Variants in PDE1C observed in about 807,000 individuals in gnomAD.
The protein encoded by PDE1C is phosphodiesterase 1C.
Under a neutral mutation model 93.1 loss-of-function variants are expected in PDE1C, and 62 were observed. The ratio of observed to expected loss-of-function variants is 0.67; its 90% CI spans 0.54 to 0.82. The LOEUF (loss-of-function observed/expected upper bound fraction) is 0.82, where lower values mean the gene tolerates loss of function less well. Ranked by LOEUF, PDE1C falls within the 40% of genes least tolerant of loss-of-function variation. PDE1C has a pLI of 0.00. For missense variants in PDE1C, 742 were observed against 884.6 expected (o/e 0.84, Z 2.04); for synonymous variants, 325 against 310.1 (o/e 1.05, Z -0.50).
At chr7:32,206,925 G>A (rs566775341) in intron 2 of PDE1C, among the ~76,000 whole-genome samples, 27 of 152,188 alleles carry the variant, frequency 1.8e-4, no homozygotes, top group African/African-American at 6.0e-4. Flanking sequence ...TTTGTGAGGG[G>A]AAGAGATCCT....
the PDE1C span, among the ~76,000 whole-genome samples, chr7:31,739,645 G>A: frequency 7.2e-5 from 11 of 152,166 alleles, no homozygotes; most frequent in Non-Finnish European, 1.5e-4. Context: ...TTCAATAATG[G>A]AGGTGTGCTC....
At chr7:31,964,256 C>A (rs1372318977) in intron 2 of PDE1C, among the ~76,000 whole-genome samples, 1 of 152,190 alleles carries the variant, frequency 6.6e-6, no homozygotes, top group Admixed American at 6.5e-5. Flanking sequence ...TCACTCCCAC[C>A]CTAATACTGC....
At chr7:31,621,351 C>A in the PDE1C span, among the ~76,000 whole-genome samples, 1 of 6,984 alleles carries the variant, frequency 1.4e-4, no homozygotes, top group Non-Finnish European at 2.6e-4. Context: ...TAAGGGCAGC[C>A]AGAGAGAAAG....
chr7:32,234,778 A>G (rs1452120289), intron 1 of PDE1C, among the ~76,000 whole-genome samples: 1 of 152,058 alleles, frequency 6.6e-6, no homozygotes, highest in African/African-American at 2.4e-5. Flanking sequence ...ATAGGTCATC[A>G]TTACTCTGAT....
At chr7:32,215,013 G>A (rs903765627) in intron 1 of PDE1C, among the ~76,000 whole-genome samples, 2 of 152,090 alleles carry the variant, frequency 1.3e-5, no homozygotes, top group Non-Finnish European at 2.9e-5. Flanking sequence ...AGGTTCCTTG[G>A]TCCTGTGGCA....
intron 1 of PDE1C, among the ~76,000 whole-genome samples, chr7:32,408,521 T>G (rs1785103370): frequency 6.6e-6 from 1 of 152,176 alleles, no homozygotes; most frequent in Non-Finnish European, 1.5e-5. Flanking sequence ...GGGCACGGTG[T>G]CTCATGCCTG....
upstream of PDE1C, chr7:32,071,483 C>G: frequency 6.5e-6 from 6 of 921,786 alleles, no homozygotes; most frequent in South Asian, 3.0e-4. Context: ...CATTCCCTCC[C>G]TCCCTCCCTT....
At chr7:31,884,450 G>A (rs898327056) in intron 2 of PDE1C, among the ~76,000 whole-genome samples, 3 of 152,198 alleles carry the variant, frequency 2.0e-5, no homozygotes, top group African/African-American at 7.2e-5. Context: ...ACAATAGAAA[G>A]ACTACAAGAA....
chr7:31,850,786 A>C, intron 7 of PDE1C, 45 bp from the exon 8 acceptor site: 3 of 1,411,094 alleles, frequency 2.1e-6, no homozygotes, highest in Non-Finnish European at 3.0e-6. Context: ...TTTCTTTCTC[A>C]AAGTCTTCAG....
chr7:32,338,872 G>A (rs893384105), intron 1 of PDE1C, among the ~76,000 whole-genome samples: 10 of 152,012 alleles, frequency 6.6e-5, no homozygotes, highest in Non-Finnish European at 8.8e-5. Flanking sequence ...GCGTGGTGGC[G>A]GGCGCCTGTA....
At chr7:32,364,805 A>C (rs1315460726) in intron 1 of PDE1C, among the ~76,000 whole-genome samples, 1 of 152,224 alleles carries the variant, frequency 6.6e-6, no homozygotes, top group Non-Finnish European at 1.5e-5. Flanking sequence ...CATTGTCATT[A>C]TACCAATCCC....
intron 1 of PDE1C, among the ~76,000 whole-genome samples, chr7:32,058,420 T>C (rs1001511068): frequency 4.6e-5 from 7 of 152,206 alleles, no homozygotes; most frequent in Non-Finnish European, 8.8e-5. Flanking sequence ...GTTTCACTCA[T>C]GGGAAAGTGG....
At chr7:32,063,239 C>T (rs781204415) in intron 1 of PDE1C, among the ~76,000 whole-genome samples, 4 of 152,182 alleles carry the variant, frequency 2.6e-5, no homozygotes, top group African/African-American at 4.8e-5. Flanking sequence ...AAAAGTAATG[C>T]GGTTTTTGCC....
At chr7:31,836,284 C>A (rs1791091170) in intron 11 of PDE1C, among the ~76,000 whole-genome samples, 1 of 152,118 alleles carries the variant, frequency 6.6e-6, no homozygotes. Context: ...TAGTTCCATG[C>A]AATTTTAAAA....
At chr7:31,632,567 T>C in the PDE1C span, among the ~76,000 whole-genome samples, 1 of 152,330 alleles carries the variant, frequency 6.6e-6, no homozygotes, top group Admixed American at 6.5e-5. Context: ...TCTAAACATT[T>C]ATTTATTGAT....
intron 3 of PDE1C, among the ~76,000 whole-genome samples, chr7:32,113,245 A>ATG (rs1798778632): frequency 7.3e-6 from 1 of 136,962 alleles, no homozygotes; most frequent in Admixed American, 7.3e-5. Context: ...AAATATATAT[A>ATG]TATATATATA....
chr7:32,181,791 A>T (rs1360561969), intron 2 of PDE1C, among the ~76,000 whole-genome samples: 1 of 152,218 alleles, frequency 6.6e-6, no homozygotes, highest in African/African-American at 2.4e-5. Flanking sequence ...GCAAGAAATA[A>T]CTAAGATCAG....
intron 1 of PDE1C, among the ~76,000 whole-genome samples, chr7:32,308,401 C>A (rs1045380079): frequency 6.6e-6 from 1 of 152,252 alleles, no homozygotes; most frequent in East Asian, 1.9e-4. Flanking sequence ...TCCCAGCACG[C>A]AGCTGGAGAT....
chr7:32,299,053 C>A (rs1812807851), exon 1 of PDE1C: 10 of 1,133,774 alleles, frequency 8.8e-6, no homozygotes, highest in Non-Finnish European at 9.7e-6. Context: ...CGGGGCTGAC[C>A]GGTGGGCGCG....
Sources: allele counts gnomAD v4.1 joint callset (sites outside exome capture counted in the v4.1 genomes callset), GRCh38; gene constraint gnomAD v4.1.1; transcripts MANE v1.5; gene names NCBI Gene and HGNC (gene_info 2026-07-23, HGNC 2026-07-21).